GRK5: variants seen among roughly 807,000 people sequenced by gnomAD.
GRK5 encodes G protein-coupled receptor kinase 5.
A neutral mutation model predicts 78.4 loss-of-function variants in GRK5; 40 were observed. The ratio of observed to expected loss-of-function variants is 0.51; its 90% CI spans 0.40 to 0.66. The LOEUF is 0.66. Among genes scored for constraint, GRK5 ranks in the 30% least tolerant of loss-of-function variants. The pLI is 0.00. For synonymous variants in GRK5, 289 were observed against 296.8 expected (o/e 0.97, Z 0.27); for missense variants, 598 against 759.9 (o/e 0.79, Z 2.50).
chr10:119,375,188 G>T (rs1310921642), intron 2 of GRK5, among the ~76,000 whole-genome samples: 1 of 152,102 alleles, frequency 6.6e-6, no homozygotes, highest in East Asian at 1.9e-4. Flanking sequence ...ACCTAGCCCA[G>T]AATTCTTGTC....
In GRK5 at chr10:119,272,014, C is replaced by T. The variant is rs535640869; in HGVS notation, c.53-54502C>T. On this transcript the variant is annotated intron_variant, in intron 1 of 15. Coordinates refer to ENST00000392870, the MANE Select transcript of GRK5 (RefSeq NM_005308.3). ...TGGGAAGAGCCTTCCTGCGGGCCCC[C>T]TTGAGCTAGGAATAGAACCTGGATT... Among the ~76,000 whole-genome samples, 3 of 152,300 alleles carry T rather than the reference C, an allele frequency of 2.0e-5. No individual in the cohort carries two copies. In the Middle Eastern group the frequency reaches 0.01, roughly 518 times the overall value.
intron 4 of GRK5, among the ~76,000 whole-genome samples, chr10:119,409,074 C>T (rs1852290299): frequency 6.6e-6 from 1 of 152,238 alleles, no homozygotes; most frequent in Admixed American, 6.5e-5. Context: ...GTCGGGCTGA[C>T]GTCCAGAGGC....
At chr10:119,310,682 G>A (rs1850343035) in intron 1 of GRK5, among the ~76,000 whole-genome samples, 1 of 152,192 alleles carries the variant, frequency 6.6e-6, no homozygotes, top group Admixed American at 6.5e-5. Context: ...GGAAAAGGAG[G>A]GAAGCCCCAG....
At chr10:119,212,693 T>G (rs1404608512) in intron 1 of GRK5, among the ~76,000 whole-genome samples, 1 of 152,258 alleles carries the variant, frequency 6.6e-6, no homozygotes, top group Non-Finnish European at 1.5e-5. Flanking sequence ...AAAAGTCTTC[T>G]GGTTACCAAA....
chr10:119,346,616 GAGCTGCA>G (rs1178582356), intron 2 of GRK5, among the ~76,000 whole-genome samples: 1 of 152,176 alleles, frequency 6.6e-6, no homozygotes, highest in Non-Finnish European at 1.5e-5. Context: ...ATGTGGGCTG[GAGCTGCA>G]AGCTGGGTGC....
intron 1 of GRK5, among the ~76,000 whole-genome samples, chr10:119,236,446 T>C (rs1341766103): frequency 3.9e-5 from 6 of 152,102 alleles, no homozygotes; most frequent in Non-Finnish European, 7.4e-5. Flanking sequence ...GATCTCCCGA[T>C]CTCGTGATCC....
chr10:119,370,330 T>C (rs1483209884), intron 2 of GRK5, among the ~76,000 whole-genome samples: 1 of 152,156 alleles, frequency 6.6e-6, no homozygotes, highest in Non-Finnish European at 1.5e-5. Flanking sequence ...CACCAAACTT[T>C]GTGAGACTTG....
At chr10:119,441,907 G>A (rs144057766) in intron 10 of GRK5, 92 bp from the exon 11 acceptor site, 29 of 955,736 alleles carry the variant, frequency 3.0e-5, no homozygotes, top group South Asian at 1.3e-4. Flanking sequence ...TGAGAATGCC[G>A]AGAGCTCGTA....
chr10:119,243,572 T>TC (rs1389883716), intron 1 of GRK5, among the ~76,000 whole-genome samples: 34 of 151,220 alleles, frequency 2.2e-4, no homozygotes, highest in South Asian at 2.1e-4. Context: ...TTTTCTTTTT[T>TC]TTTTTTTTTT....
chr10:119,218,074 T>TTGTGCGTGTGTGTGTG (rs1848603301), intron 1 of GRK5, among the ~76,000 whole-genome samples: 1 of 146,498 alleles, frequency 6.8e-6, no homozygotes, highest in East Asian at 2.0e-4. Context: ...GTCAACCCGT[T>TTGTGCGTGTGTGTGTG]TGTGTGTGTG....
chr10:119,214,040 T>G (rs1331711495), intron 1 of GRK5, among the ~76,000 whole-genome samples: 1 of 152,236 alleles, frequency 6.6e-6, no homozygotes, highest in Non-Finnish European at 1.5e-5. Flanking sequence ...AGTGGCGCAG[T>G]CTGGGCTCAC....
intron 1 of GRK5, among the ~76,000 whole-genome samples, chr10:119,261,259 G>A (rs1361178805): frequency 1.3e-5 from 2 of 151,424 alleles, no homozygotes; most frequent in African/African-American, 4.9e-5. Context: ...CCTCCCAGAC[G>A]GGGTGGCGGC....
At chr10:119,367,410 A>G (rs1279030515) in intron 2 of GRK5, among the ~76,000 whole-genome samples, 1 of 152,246 alleles carries the variant, frequency 6.6e-6, no homozygotes, top group East Asian at 1.9e-4. Flanking sequence ...CTGAGCAAAG[A>G]TGGAAGGAGG....
chr10:119,380,688 G>A (rs186590273), intron 2 of GRK5, 127 bp from the exon 3 acceptor site: 133 of 610,026 alleles, frequency 2.2e-4, no homozygotes, highest in African/African-American at 1.2e-3. Flanking sequence ...TGAAGAAGGC[G>A]TTCTGAGAGT....
chr10:119,209,840 AT>A (rs1848457858), intron 1 of GRK5, among the ~76,000 whole-genome samples: 1 of 151,994 alleles, frequency 6.6e-6, no homozygotes, highest in Non-Finnish European at 1.5e-5. Context: ...TGCTGTAGAT[AT>A]TTGTTTGCCT....
intron 1 of GRK5, among the ~76,000 whole-genome samples, chr10:119,231,504 G>A (rs748303399): frequency 2.6e-5 from 4 of 152,006 alleles, no homozygotes; most frequent in Non-Finnish European, 4.4e-5. Flanking sequence ...TCAGGAGTTC[G>A]AAACCAGCCT....
At chr10:119,402,348 A>G (rs963798394) in intron 4 of GRK5, among the ~76,000 whole-genome samples, 4 of 152,052 alleles carry the variant, frequency 2.6e-5, no homozygotes, top group Admixed American at 6.5e-5. Flanking sequence ...CCACAGTTGG[A>G]TCTGAGTGTG....
At chr10:119,339,301 C>T (rs986331987) in intron 2 of GRK5, among the ~76,000 whole-genome samples, 9 of 152,226 alleles carry the variant, frequency 5.9e-5, no homozygotes, top group African/African-American at 2.2e-4. Context: ...CCTGCAGCAG[C>T]CTGAGCGTGA....
intron 10 of GRK5, among the ~76,000 whole-genome samples, chr10:119,441,366 G>A (rs1853031835): frequency 6.6e-6 from 1 of 152,216 alleles, no homozygotes; most frequent in Non-Finnish European, 1.5e-5. Flanking sequence ...TGTGGGGTAA[G>A]TTGTGGCCGC....
Sources: gnomAD v4.1 joint callset for allele counts (sites outside exome capture counted in the v4.1 genomes callset) on GRCh38, gnomAD v4.1.1 for gene constraint, MANE v1.5 for transcripts, NCBI Gene and HGNC (gene_info 2026-07-23, HGNC 2026-07-21) for gene names.